GAL3ST2: variants seen among roughly 807,000 people sequenced by gnomAD.
GAL3ST2 encodes beta-galactose-3-O-sulfotransferase 2.
GAL3ST2 carries 16 observed loss-of-function variants against 12.9 expected under a neutral mutation model. The observed-to-expected ratio is 1.24, with a 90% CI of 0.84 to 1.88. The LOEUF (loss-of-function observed/expected upper bound fraction) is 1.88. Ranked by LOEUF, GAL3ST2 falls within the 40% of genes most tolerant of loss-of-function variation. The pLI is 0.00. For missense variants in GAL3ST2, 639 were observed against 571.8 expected (o/e 1.12, Z -1.20); for synonymous variants, 302 against 273.9 (o/e 1.10, Z -1.01).
In GAL3ST2 at chr2:241,798,484, C is replaced by A. The variant is rs191273032; in HGVS notation, c.30-581C>A. ...GCGAGGGTGGGGAGTGGAAGCTGCA[C>A]TCTGGTCTCTTCCTTGTCTTAGAAG... On this transcript the variant is annotated intron_variant, in intron 1 of 3. Transcript: ENST00000192314. Among the ~76,000 whole-genome samples the A allele has an allele frequency of 1.1e-3, 170 of 152,310 alleles. 7 individuals carry two copies. In the East Asian group the frequency reaches 0.031, roughly 28 times the overall value.
At position 241,803,411 on chromosome 2, in the gene GAL3ST2, G is replaced by A. The variant is rs371281574; in HGVS notation, c.442G>A (p.Glu148Lys). 1.1e-5 allele frequency: 18 copies of A among 1,612,700 alleles called. No individual in the cohort carries two copies. Among genetic ancestry groups the A allele is most frequent in the Non-Finnish European group, 1.4e-5 (17 of 1,179,622 alleles). ...SILRNPVFQLESSFIYYKTYA... is the reference protein window; with the variant it reads ...SILRNPVFQLKSSFIYYKTYA... ...CCTGAGGAACCCCGTGTTCCAGCTG[G>A]AGTCCTCCTTCATCTACTACAAAAC... The change falls in exon 4 of 4, where the codon GAG becomes AAG. Residue 148 changes from glutamate to lysine, a missense_variant. Transcript: ENST00000192314.
rs1156740897 is a variant in GAL3ST2 at position 241,780,483 on chromosome 2, G to A, written c.29+3499G>A. Among the ~76,000 whole-genome samples, 3 of 152,004 alleles carry A rather than the reference G, an allele frequency of 2.0e-5. No individual in the cohort carries two copies. In the East Asian group the frequency reaches 5.8e-4, roughly 29 times the overall value. ...GCAGTGAGCTGAGATTGCACCACTG[G>A]ACTCCAGCCTGGGTGACAGAGCGAG... On this transcript the variant is annotated intron_variant, in intron 1 of 3. Coordinates refer to ENST00000192314, the MANE Select transcript of GAL3ST2 (RefSeq NM_022134.3).
rs546860262 is a variant in GAL3ST2 at position 241,793,460 on chromosome 2, GTGTA to G, written c.30-5601_30-5598del. ...GTGTATGTATGTACTGTGTATGCGT[GTGTA>G]TGTGTATGCATGTGTATTATATGTA... On this transcript the variant is annotated intron_variant, in intron 1 of 3. Transcript: ENST00000192314. The surrounding 1 kb of genome is among the most constrained non-coding windows in gnomAD (Gnocchi z 4.7). 0.054 allele frequency among the ~76,000 whole-genome samples: 8,112 copies of G among 149,660 alleles called. 698 individuals carry two copies. The highest frequency in any genetic ancestry group is 0.19 in the African/African-American group (7,346 of 39,598).
intron 1 of GAL3ST2, among the ~76,000 whole-genome samples, chr2:241,791,170 G>T (rs1365886212): frequency 6.6e-6 from 1 of 152,150 alleles, no homozygotes; most frequent in East Asian, 1.9e-4. Flanking sequence ...ATGGGCCATG[G>T]TCACTCATTT....
Position 241,776,980 on chromosome 2 carries a change from C to A in GAL3ST2, c.25C>A (p.Gln9Lys). 1 of 1,547,952 alleles carries A rather than the reference C, an allele frequency of 6.5e-7. No individual in the cohort carries two copies. Among genetic ancestry groups the A allele is most frequent in the Non-Finnish European group, 8.8e-7 (1 of 1,142,134 alleles). The change falls in exon 1 of 4, where the codon CAG becomes AAG. Residue 9 changes from glutamine to lysine, a missense_variant. Physicochemically the swap from Gln to Lys is moderately conservative, Grantham distance 53. Transcript: ENST00000192314. MMSMLGGLQRYFRVILLLL... is the reference protein window; with the variant it reads MMSMLGGLKRYFRVILLLL... ...GATGATGTCCATGCTGGGCGGCTTG[C>A]AGAGGTAAGGGGGGCAGTTGGACCC...
In GAL3ST2 at chr2:241,799,240, C is replaced by T. The variant is rs983901005; in HGVS notation, c.119+86C>T. The T allele has an allele frequency of 1.2e-5, 14 of 1,170,006 alleles. No homozygotes were observed. In the African/African-American group the frequency reaches 2.0e-4, roughly 16 times the overall value. The allele number at this position is 1,170,006 out of a possible 1,614,324, so 72.5% of individuals were successfully genotyped here. On this transcript the variant is annotated intron_variant, in intron 2 of 3. Coordinates refer to ENST00000192314, the MANE Select transcript of GAL3ST2 (RefSeq NM_022134.3). ...AGCCTGGGACCCCAGCATGATCACG[C>T]CCCCCACTGGGCCTGTCTCCCTCTG...
Position 241,801,690 on chromosome 2 carries a change from C to A in GAL3ST2, c.120-91C>A. 1 of 1,506,418 alleles carries A rather than the reference C, an allele frequency of 6.6e-7. No homozygotes were observed. Among genetic ancestry groups the A allele is most frequent in the South Asian group, 1.3e-5 (1 of 77,490 alleles). 93.3% of individuals were successfully genotyped at this position (1,506,418 alleles called of 1,614,324 possible). Reference sequence around the variant, plus strand: ...TTGGGGGGCTCAGGTTGGGAGGTCTCTCCTTGCGGTTGCCGGGCTGGGGGT... The same window carrying A: ...TTGGGGGGCTCAGGTTGGGAGGTCTATCCTTGCGGTTGCCGGGCTGGGGGT... On this transcript the variant is annotated intron_variant, in intron 2 of 3. Transcript: ENST00000192314. The surrounding 1 kb of genome is among the most constrained non-coding windows in gnomAD (Gnocchi z 4.4).
intron 1 of GAL3ST2, among the ~76,000 whole-genome samples, chr2:241,781,642 T>G (rs1242781885): frequency 2.6e-5 from 4 of 152,218 alleles, no homozygotes; most frequent in Admixed American, 6.5e-5. Context: ...GAGTTTCCCA[T>G]AATTTTGGTA....
intron 1 of GAL3ST2, among the ~76,000 whole-genome samples, chr2:241,778,063 A>G (rs990090483): frequency 6.6e-6 from 1 of 152,200 alleles, no homozygotes; most frequent in East Asian, 1.9e-4. Flanking sequence ...CACGTCCCAC[A>G]CTAAGGCCAG....
chr2:241,783,061 C>T (rs1033549441), intron 1 of GAL3ST2, among the ~76,000 whole-genome samples: 4 of 151,828 alleles, frequency 2.6e-5, no homozygotes, highest in African/African-American at 9.7e-5. Flanking sequence ...TCGCTTGAAC[C>T]CGGGAGGCAG....
At chr2:241,777,142 T>C (rs942940900) in intron 1 of GAL3ST2, among the ~76,000 whole-genome samples, 158 bp downstream of exon 1, 3 of 152,228 alleles carry the variant, frequency 2.0e-5, no homozygotes, top group Non-Finnish European at 4.4e-5. Flanking sequence ...CTGTCTTGGC[T>C]TCGTTTCGGA....
rs147228045 is a variant in GAL3ST2, at chr2:241,777,253, G to A, written c.29+269G>A. Among the ~76,000 whole-genome samples the A allele has an allele frequency of 4.6e-3, 696 of 152,336 alleles. 7 individuals are homozygous for A. Among genetic ancestry groups the A allele is most frequent in the African/African-American group, 0.016 (663 of 41,572 alleles). On this transcript the variant is annotated intron_variant, in intron 1 of 3. Coordinates refer to ENST00000192314, the MANE Select transcript of GAL3ST2 (RefSeq NM_022134.3). ...GAAAGCTGCCCCCCAACACTGTGGC[G>A]TGGAGACGCTCGAGTGTCCGCGTGA...
Position 241,801,607 on chromosome 2 carries a change from T to C in GAL3ST2, c.120-174T>C. 4.0e-6 allele frequency: 3 copies of C among 751,986 alleles called. No individual in the cohort carries two copies. Among genetic ancestry groups the C allele is most frequent in the South Asian group, 3.8e-5 (2 of 53,060 alleles). 46.6% of individuals were successfully genotyped at this position (751,986 alleles called of 1,614,324 possible). On this transcript the variant is annotated intron_variant, in intron 2 of 3. Transcript: ENST00000192314. This position sits in a 1 kb window ranked among gnomAD's most constrained non-coding sequence, Gnocchi z 4.4. ...GGCCACCAGCTGGGAGGTTGTGGAGTGGGGCAAGGATTGGGGCCATGGGTC... is the reference window on the plus strand; with the variant it reads ...GGCCACCAGCTGGGAGGTTGTGGAGCGGGGCAAGGATTGGGGCCATGGGTC...
At chr2:241,784,702 T>C (rs1008901149) in intron 1 of GAL3ST2, among the ~76,000 whole-genome samples, 18 of 152,228 alleles carry the variant, frequency 1.2e-4, no homozygotes, top group South Asian at 1.0e-3. Flanking sequence ...CATAAATACA[T>C]AGACATATTA....
In GAL3ST2 at chr2:241,799,125, C is replaced by G. The variant is rs746554848; in HGVS notation, c.90C>G (p.Phe30Leu). ...LALTLLLLAG[F>L]LHSDLELDTP... is the part of the protein sequence containing the mutation. ...TGACTCTGCTCCTGCTGGCCGGATT[C>G]CTGCACTCGGACTTAGAGCTGGACA... Residue 30 changes from phenylalanine to leucine, a missense_variant, in exon 2 of 4, where the codon TTC (phenylalanine) becomes TTG (leucine). Coordinates refer to ENST00000192314, the MANE Select transcript of GAL3ST2 (RefSeq NM_022134.3). The G allele has an allele frequency of 2.5e-6, 4 of 1,613,720 alleles. No individual in the cohort carries two copies. In the Admixed American group the frequency reaches 6.7e-5, roughly 27 times the overall value.
Position 241,802,077 on chromosome 2 carries a change from T to C in GAL3ST2, c.375+41T>C, listed in dbSNP as rs1347172740. On this transcript the variant is annotated intron_variant, in intron 3 of 3. Coordinates refer to ENST00000192314, the MANE Select transcript of GAL3ST2 (RefSeq NM_022134.3). This position sits in a 1 kb window ranked among gnomAD's most constrained non-coding sequence, Gnocchi z 4.8. ...TGGGGAGGAGGGCGGGCTGCAGCCG[T>C]GCCTGTGGCTGTGGGTCTGGGTGGT... is the stretch of plus-strand genomic sequence containing the variant. 2 of 1,561,016 alleles carry C rather than the reference T, an allele frequency of 1.3e-6. No homozygotes were observed. Among genetic ancestry groups the C allele is most frequent in the Admixed American group, 1.9e-5 (1 of 53,164 alleles).
chr2:241,781,915 T>C (rs1699572423), intron 1 of GAL3ST2, among the ~76,000 whole-genome samples: 1 of 152,266 alleles, frequency 6.6e-6, no homozygotes, highest in African/African-American at 2.4e-5. Context: ...ACCAAGGTGG[T>C]AACTCAAGGA....
rs893298479 is a variant in GAL3ST2, at chr2:241,795,909, C to T, written c.30-3156C>T. Among the ~76,000 whole-genome samples the T allele has an allele frequency of 2.6e-5, 4 of 152,188 alleles. No homozygotes were observed. The highest frequency in any genetic ancestry group is 2.1e-4 in the South Asian group (1 of 4,838). Reference sequence around the variant, plus strand: ...CCTCTTCAAGGTGGTTCCATTTTGACGTAAGGACTGGAGGGGTGCATTGAA... The same window carrying T: ...CCTCTTCAAGGTGGTTCCATTTTGATGTAAGGACTGGAGGGGTGCATTGAA... On this transcript the variant is annotated intron_variant, in intron 1 of 3. Coordinates refer to ENST00000192314, the MANE Select transcript of GAL3ST2 (RefSeq NM_022134.3). This position sits in a 1 kb window ranked among gnomAD's most constrained non-coding sequence, Gnocchi z 4.5.
intron 1 of GAL3ST2, among the ~76,000 whole-genome samples, chr2:241,798,287 C>G (rs903908479): frequency 2.6e-5 from 4 of 152,196 alleles, no homozygotes; most frequent in Non-Finnish European, 4.4e-5. Context: ...TCAGTCACCC[C>G]GGGCTGTCAC....
Sources: allele counts gnomAD v4.1 joint callset (sites outside exome capture counted in the v4.1 genomes callset), GRCh38; gene constraint gnomAD v4.1.1; non-coding constraint Gnocchi (gnomAD v3.1); transcripts MANE v1.5; gene names NCBI Gene and HGNC (gene_info 2026-07-23, HGNC 2026-07-21).